PDE4C: variants seen among roughly 807,000 people sequenced by gnomAD.
PDE4C encodes the protein 3',5'-cyclic-AMP phosphodiesterase 4C.
Under a neutral mutation model 63.9 loss-of-function variants are expected in PDE4C, and 50 were observed. The ratio of observed to expected loss-of-function variants is 0.78; its 90% CI spans 0.62 to 0.99. The LOEUF (loss-of-function observed/expected upper bound fraction) is 0.99. Among genes scored for constraint, PDE4C ranks in the 50% least tolerant of loss-of-function variants. The pLI is 0.00. For missense variants in PDE4C, 777 were observed against 899.1 expected (o/e 0.86, Z 1.74); for synonymous variants, 377 against 385.1 (o/e 0.98, Z 0.25).
chr19:18,211,741 G>A lies in PDE4C; in HGVS notation c.1695+18C>T. Reference sequence around the variant, plus strand: ...CTTCCTCCCAGTGTCTACCGGTTCAGCCCAGTCCCCTGCCAACCTGGGACT... The same window carrying A: ...CTTCCTCCCAGTGTCTACCGGTTCAACCCAGTCCCCTGCCAACCTGGGACT... On this transcript the variant is annotated intron_variant, in intron 14 of 14. Transcript: ENST00000262805. 1.2e-6 allele frequency: 2 copies of A among 1,613,790 alleles called. No individual in the cohort carries two copies. Among genetic ancestry groups the A allele is most frequent in the Non-Finnish European group, 1.7e-6 (2 of 1,179,704 alleles).
At chr19:18,237,950 T>C (rs1006312383), upstream of PDE4C, among the ~76,000 whole-genome samples, 1 of 151,506 alleles carries the variant, frequency 6.6e-6, no homozygotes, top group African/African-American at 2.4e-5. Flanking sequence ...AATAATAGCA[T>C]GCTCAGTAGG....
chr19:18,219,530 A>G, intron 7 of PDE4C, 133 bp from the exon 8 acceptor site: 1 of 1,055,258 alleles, frequency 9.5e-7, no homozygotes, highest in Non-Finnish European at 1.3e-6. Context: ...AGTTCGGAGT[A>G]AAGACCCTGT....
chr19:18,219,564 C>G, intron 7 of PDE4C, 167 bp from the exon 8 acceptor site: 1 of 711,768 alleles, frequency 1.4e-6, no homozygotes, highest in Non-Finnish European at 2.3e-6. Flanking sequence ...TGGCTCACGC[C>G]TGTAATCCCA....
chr19:18,216,261 CTT>C (rs559961551), intron 12 of PDE4C, among the ~76,000 whole-genome samples: 15 of 135,820 alleles, frequency 1.1e-4, no homozygotes, highest in African/African-American at 8.1e-5. Flanking sequence ...TCACTAGCCC[CTT>C]TTTTTTTTTT....
chr19:18,221,127 G>C, exon 4 of PDE4C: 1 of 1,570,764 alleles, frequency 6.4e-7, no homozygotes, highest in South Asian at 1.1e-5. Flanking sequence ...AGGCATTGCT[G>C]GCGGGCAAGG....
intron 11 of PDE4C, chr19:18,217,415 T>C (rs13313731): frequency 0.56 from 85,574 of 152,602 alleles, 24,863 homozygotes; most frequent in Non-Finnish European, 0.63. Context: ...ATCCTCCCAC[T>C]TCGGCCTCCC....
intron 7 of PDE4C, chr19:18,219,685 A>AT (rs1968374578): frequency 3.1e-6 from 1 of 326,012 alleles, no homozygotes; most frequent in Non-Finnish European, 5.6e-6. Flanking sequence ...TTAGTCACGT[A>AT]TGGTGGCAGG....
At chr19:18,248,820 C>T (rs985248235), upstream of PDE4C, among the ~76,000 whole-genome samples, 4 of 130,104 alleles carry the variant, frequency 3.1e-5, no homozygotes, top group East Asian at 2.5e-4. Flanking sequence ...ATCAGGAGAT[C>T]GAGACCATCC....
rs1600055859 is a variant in PDE4C, at chr19:18,212,186, T to A, written c.1513-245A>T. ...TTGCAAAAATGGAGGCCCTCTCCGA[T>A]TTTTTTTTTTTTAATGAGTTAGGGT... is the stretch of plus-strand genomic sequence containing the variant. On this transcript the variant is annotated intron_variant, in intron 13 of 14. Transcript: ENST00000262805. Among the ~76,000 whole-genome samples, 3 of 23,130 alleles carry A rather than the reference T, an allele frequency of 1.3e-4. No homozygotes were observed. In the East Asian group the frequency reaches 5.7e-3, roughly 44 times the overall value. 15.2% of individuals were successfully genotyped at this position (23,130 alleles called of 152,430 possible).
chr19:18,231,211 A>G (rs1168851801), upstream of PDE4C, among the ~76,000 whole-genome samples: 1 of 152,206 alleles, frequency 6.6e-6, no homozygotes, highest in Admixed American at 6.5e-5. Flanking sequence ...ACAGAGAAGC[A>G]CAGTGGGCCA....
At chr19:18,216,675 C>T in intron 12 of PDE4C, 66 bp downstream of exon 12, 2 of 1,473,946 alleles carry the variant, frequency 1.4e-6, no homozygotes, top group East Asian at 4.7e-5. Flanking sequence ...ACCCTGCTGT[C>T]TGCAGATGAG....
In PDE4C at chr19:18,248,193, G is replaced by A. The variant is rs149066835; in HGVS notation, c.-232C>T. The A allele has an allele frequency of 1.3e-3, 600 of 456,268 alleles. 2 individuals are homozygous for A. The highest frequency in any genetic ancestry group is 3.9e-3 in the Middle Eastern group (12 of 3,070). The allele number at this position is 456,268 out of a possible 1,614,324, so 28.3% of individuals were successfully genotyped here. ...TACCACCACTGCGGAGTCCTGCCTG[G>A]GTCCCATGACCTGCTGGCTAGTGAG... On this transcript the variant is annotated 5_prime_UTR_variant, in exon 1 of 16. Coordinates refer to the PDE4C transcript ENST00000594617.
At chr19:18,208,210 A>G (rs1967765692), downstream of PDE4C, 1 of 152,248 alleles carries the variant, frequency 6.6e-6, no homozygotes, top group African/African-American at 2.4e-5. Context: ...CTGAGTGGTT[A>G]TAATATTTAT....
At chr19:18,238,527 T>C (rs527954065), upstream of PDE4C, among the ~76,000 whole-genome samples, 44 of 151,992 alleles carry the variant, frequency 2.9e-4, 1 homozygote, top group South Asian at 8.8e-3. Context: ...TGTGAGCCAC[T>C]GCGCCCGGCC....
At chr19:18,241,255 G>GTTTTTTTT (rs200717537) in intron 1 of PDE4C, among the ~76,000 whole-genome samples, 5 of 78,512 alleles carry the variant, frequency 6.4e-5, no homozygotes, top group African/African-American at 2.0e-4. Context: ...TTCTTCTCTT[G>GTTTTTTTT]TTTTTTTTTT....
chr19:18,228,623 A>C (rs947173931), upstream of PDE4C, among the ~76,000 whole-genome samples: 1 of 152,232 alleles, frequency 6.6e-6, no homozygotes, highest in Non-Finnish European at 1.5e-5. Context: ...GTTTACTATT[A>C]ATGTTTCATC....
upstream of PDE4C, among the ~76,000 whole-genome samples, chr19:18,238,238 CTT>C (rs752994500): frequency 2.9e-4 from 41 of 141,350 alleles, no homozygotes; most frequent in African/African-American, 8.8e-4. Context: ...CTCTCTCTCT[CTT>C]TTTTTTTTTT....
the PDE4C span, among the ~76,000 whole-genome samples, chr19:18,253,970 AC>A: frequency 6.6e-6 from 1 of 151,948 alleles, no homozygotes; most frequent in Non-Finnish European, 1.5e-5. Flanking sequence ...TCCTTGACTC[AC>A]CCTAGGCAGC....
In PDE4C at chr19:18,222,657, TTCTCTCTCTC is replaced by T. The variant is rs138832810; in HGVS notation, c.147-344_147-335del. Reference sequence around the variant, plus strand: ...CTTTTTTTTTTTTCTTTCTCGTTCTTTCTCTCTCTCTCTCTCTCTCTCTCTCTCTCGCCCT... The same window carrying T: ...CTTTTTTTTTTTTCTTTCTCGTTCTTTCTCTCTCTCTCTCTCTCTCGCCCT... On this transcript the variant is annotated intron_variant, in intron 1 of 14. Coordinates refer to ENST00000262805, the Ensembl canonical transcript of PDE4C. 1.5e-3 allele frequency among the ~76,000 whole-genome samples: 125 copies of T among 82,426 alleles called. No homozygotes were observed. In the South Asian group the frequency reaches 0.017, roughly 11 times the overall value. 54.1% of individuals were successfully genotyped at this position (82,426 alleles called of 152,430 possible).
Sources: allele counts gnomAD v4.1 joint callset (sites outside exome capture counted in the v4.1 genomes callset), GRCh38; gene constraint gnomAD v4.1.1; transcripts MANE v1.5; gene names NCBI Gene and HGNC (gene_info 2026-07-23, HGNC 2026-07-21).